TESC: variants seen among roughly 807,000 people sequenced by gnomAD.
The protein encoded by TESC is calcineurin B homologous protein 3.
TESC carries 19 observed loss-of-function variants against 31.0 expected under a neutral mutation model. The observed-to-expected ratio is 0.61, with a 90% CI of 0.43 to 0.90. The LOEUF is 0.90. TESC is among the 40% of genes least tolerant of loss of function. TESC has a pLI of 0.00. For missense variants in TESC, 248 were observed against 303.8 expected (o/e 0.82, Z 1.36); for synonymous variants, 109 against 114.8 (o/e 0.95, Z 0.32).
At chr12:117,047,219 C>A (rs1372384133) in intron 4 of TESC, among the ~76,000 whole-genome samples, 1 of 152,204 alleles carries the variant, frequency 6.6e-6, no homozygotes, top group East Asian at 1.9e-4. Flanking sequence ...AATATTGTTC[C>A]CACAGCCCTG....
chr12:117,053,745 C>G (rs1207443655), intron 3 of TESC, among the ~76,000 whole-genome samples: 3 of 152,094 alleles, frequency 2.0e-5, no homozygotes, highest in Admixed American at 2.0e-4. Flanking sequence ...CGTGCGCGCG[C>G]ACGCGCACAC....
chr12:117,069,952 T>C (rs978359390), intron 2 of TESC, among the ~76,000 whole-genome samples: 1 of 152,172 alleles, frequency 6.6e-6, no homozygotes, highest in Non-Finnish European at 1.5e-5. Flanking sequence ...TCCTTCGCTG[T>C]CTGAGCGGGA....
chr12:117,051,207 A>G (rs1954642940), intron 3 of TESC, among the ~76,000 whole-genome samples: 1 of 152,230 alleles, frequency 6.6e-6, no homozygotes, highest in African/African-American at 2.4e-5. Flanking sequence ...ATGTAAAGGA[A>G]TATGTTTGCA....
intron 2 of TESC, among the ~76,000 whole-genome samples, chr12:117,063,631 G>A (rs1024298911): frequency 1.1e-4 from 16 of 152,154 alleles, no homozygotes; most frequent in Non-Finnish European, 1.5e-4. Flanking sequence ...TTCTCAGGCC[G>A]GAACTTCCAC....
chr12:117,073,920 A>AC (rs1202665758), intron 2 of TESC, among the ~76,000 whole-genome samples: 1 of 151,960 alleles, frequency 6.6e-6, no homozygotes, highest in East Asian at 1.9e-4. Flanking sequence ...TCTCAAAAAA[A>AC]AAAAATACAA....
rs534636844 is a variant in TESC at position 117,067,629 on chromosome 12, G to A, written c.128+7642C>T. 1.0e-3 allele frequency among the ~76,000 whole-genome samples: 154 copies of A among 152,266 alleles called. 1 individual carries two copies. Among genetic ancestry groups the A allele is most frequent in the Non-Finnish European group, 2.0e-3 (136 of 68,014 alleles). On this transcript the variant is annotated intron_variant, in intron 2 of 7. Transcript: ENST00000335209. ...GGTTAAAAACAAAGCAAAGTGACTG[G>A]GTTAAAAGGGGATTTAATTCTGGAT...
chr12:117,063,665 G>C (rs1954829839), intron 2 of TESC, among the ~76,000 whole-genome samples: 1 of 152,182 alleles, frequency 6.6e-6, no homozygotes. Context: ...CCTGCACTGA[G>C]GGAGGCCACT....
chr12:117,047,408 G>A (rs11068303), intron 4 of TESC, among the ~76,000 whole-genome samples: 4,545 of 141,328 alleles, frequency 0.032, 191 homozygotes, highest in East Asian at 0.19. Flanking sequence ...AGTCTTCTGT[G>A]TTGGCATTTT....
At chr12:117,065,297 G>T (rs549889025) in intron 2 of TESC, among the ~76,000 whole-genome samples, 1 of 152,306 alleles carries the variant, frequency 6.6e-6, no homozygotes, top group Admixed American at 6.5e-5. Flanking sequence ...GGGGCTGGGG[G>T]AGCAGAGGAA....
intron 1 of TESC, among the ~76,000 whole-genome samples, chr12:117,095,482 G>T (rs1300670667): frequency 1.3e-5 from 2 of 152,198 alleles, no homozygotes; most frequent in Non-Finnish European, 2.9e-5. Flanking sequence ...TTGTGCAAAG[G>T]CCTGAAGGTG....
chr12:117,060,438 G>A (rs1408617306), intron 2 of TESC, among the ~76,000 whole-genome samples: 1 of 152,194 alleles, frequency 6.6e-6, no homozygotes, highest in Non-Finnish European at 1.5e-5. Context: ...CTCGGAGACA[G>A]CTCGATGCCT....
intron 2 of TESC, among the ~76,000 whole-genome samples, chr12:117,068,547 A>G (rs2135777087): frequency 6.6e-6 from 1 of 152,166 alleles, no homozygotes; most frequent in South Asian, 2.1e-4. Context: ...AAACAAAAGG[A>G]ACACTGCTGA....
chr12:117,041,799 C>T (rs1954487466), intron 7 of TESC, 148 bp downstream of exon 7: 1 of 685,360 alleles, frequency 1.5e-6, no homozygotes, highest in Admixed American at 3.1e-5. Flanking sequence ...AAAGGCCATG[C>T]CCAGGTTGAC....
At chr12:117,077,563 G>A (rs572561012) in intron 1 of TESC, among the ~76,000 whole-genome samples, 19 of 152,354 alleles carry the variant, frequency 1.2e-4, no homozygotes, top group African/African-American at 4.3e-4. Context: ...GTGTAATATA[G>A]TCAAGCAATG....
chr12:117,066,103 G>A (rs2135773489), intron 2 of TESC, among the ~76,000 whole-genome samples: 1 of 151,332 alleles, frequency 6.6e-6, no homozygotes, highest in Non-Finnish European at 1.5e-5. Flanking sequence ...CCCAGATGTG[G>A]CCTCCTCAGT....
At position 117,093,430 on chromosome 12, in the gene TESC, TC is replaced by T. The variant is rs200538458; in HGVS notation, c.58+5794del. On this transcript the variant is annotated intron_variant, in intron 1 of 7. Transcript: ENST00000335209. ...GGAATGGAATCCGACTCTCTTTTTTTCTTTGGAGACAGTCTCGCACTGTCAC... is the reference window on the plus strand; with the variant it reads ...GGAATGGAATCCGACTCTCTTTTTTTTTTGGAGACAGTCTCGCACTGTCAC... Among the ~76,000 whole-genome samples, 1,127 of 152,368 alleles carry T rather than the reference TC, an allele frequency of 7.4e-3. 49 individuals are homozygous for T. The highest frequency in any genetic ancestry group is 0.059 in the Admixed American group (906 of 15,296).
chr12:117,061,932 TCCA>T (rs980602157), intron 2 of TESC, among the ~76,000 whole-genome samples: 1 of 152,128 alleles, frequency 6.6e-6, no homozygotes, highest in African/African-American at 2.4e-5. Flanking sequence ...CATAGGAATA[TCCA>T]GGTAACATGA....
At chr12:117,097,477 G>T (rs923540535) in intron 1 of TESC, among the ~76,000 whole-genome samples, 2 of 152,048 alleles carry the variant, frequency 1.3e-5, no homozygotes, top group Non-Finnish European at 2.9e-5. Flanking sequence ...CCCTTCCAAC[G>T]GGGATCCCAG....
chr12:117,069,996 G>A (rs551917282), intron 2 of TESC, among the ~76,000 whole-genome samples: 2 of 152,316 alleles, frequency 1.3e-5, no homozygotes, highest in South Asian at 2.1e-4. Context: ...CTCCCCCATC[G>A]CAGATTGTAG....
Sources: allele counts gnomAD v4.1 joint callset (sites outside exome capture counted in the v4.1 genomes callset), GRCh38; gene constraint gnomAD v4.1.1; transcripts MANE v1.5; gene names NCBI Gene and HGNC (gene_info 2026-07-23, HGNC 2026-07-21).